SLC44A1: variants seen among roughly 807,000 people sequenced by gnomAD.
The protein encoded by SLC44A1 is choline transporter-like protein 1.
Under a neutral mutation model 79.3 loss-of-function variants are expected in SLC44A1, and 26 were observed. That is an observed-to-expected ratio of 0.33 (90% CI 0.24 to 0.46). The LOEUF is 0.46. Among genes scored for constraint, SLC44A1 ranks in the 20% least tolerant of loss-of-function variants. The probability of loss-of-function intolerance (pLI) is 1.00; values close to 1 mark genes in which losing one functional copy is unlikely to be tolerated. For missense variants in SLC44A1, 688 were observed against 798.1 expected (o/e 0.86, Z 1.66); for synonymous variants, 263 against 286.2 (o/e 0.92, Z 0.82).
chr9:105,416,527 G>A (rs971427626), intron 15 of SLC44A1, among the ~76,000 whole-genome samples: 1 of 152,156 alleles, frequency 6.6e-6, no homozygotes, highest in Non-Finnish European at 1.5e-5. Context: ...AGGCCTAGGG[G>A]AAAAGTGTGA....
In SLC44A1 at chr9:105,374,590, T is replaced by A. The variant is rs1427675104; in HGVS notation, c.1495-8T>A. Reference sequence around the variant, plus strand: ...GTTGACGAAAATGTTGTTTTTGCTTTTGTCCAGAATGCATACACAGCCACA... The same window carrying A: ...GTTGACGAAAATGTTGTTTTTGCTTATGTCCAGAATGCATACACAGCCACA... On this transcript the variant is annotated splice_polypyrimidine_tract_variant and splice_region_variant and intron_variant, in intron 12 of 15. Coordinates refer to ENST00000374720, the MANE Select transcript of SLC44A1 (RefSeq NM_080546.5). 3.1e-6 allele frequency: 5 copies of A among 1,598,404 alleles called. No individual in the cohort carries two copies. The East Asian group carries it at 1.1e-4, about 36-fold the overall frequency.
At chr9:105,358,279 C>T (rs1319330947) in intron 6 of SLC44A1, 65 bp from the exon 7 acceptor site, 11 of 905,354 alleles carry the variant, frequency 1.2e-5, no homozygotes, top group Admixed American at 2.1e-5. Context: ...CCATTTAAAG[C>T]GTTTTTATTT....
chr9:105,373,677 A>G (rs1156495545), intron 12 of SLC44A1, among the ~76,000 whole-genome samples: 1 of 152,192 alleles, frequency 6.6e-6, no homozygotes. Context: ...CACCAGGTTG[A>G]AGTACCTGGT....
chr9:105,251,636 C>T (rs1829591131), intron 1 of SLC44A1, among the ~76,000 whole-genome samples: 1 of 152,206 alleles, frequency 6.6e-6, no homozygotes, highest in Non-Finnish European at 1.5e-5. Context: ...GTGTGCTTTT[C>T]TTTGCTCATT....
At chr9:105,256,258 C>T (rs1464420121) in intron 1 of SLC44A1, among the ~76,000 whole-genome samples, 5 of 152,074 alleles carry the variant, frequency 3.3e-5, no homozygotes, top group African/African-American at 7.2e-5. Flanking sequence ...GTGATCTGCC[C>T]ACCTCAGCCT....
chr9:105,414,301 C>G (rs1267730525), intron 15 of SLC44A1, among the ~76,000 whole-genome samples: 1 of 152,028 alleles, frequency 6.6e-6, no homozygotes, highest in Non-Finnish European at 1.5e-5. Context: ...GTGATCCGCC[C>G]GCCTCGGCCT....
intron 10 of SLC44A1, among the ~76,000 whole-genome samples, chr9:105,365,232 A>C (rs752832053): frequency 3.9e-5 from 6 of 152,216 alleles, no homozygotes; most frequent in Non-Finnish European, 8.8e-5. Context: ...TTCAGAGCAC[A>C]GTTTTATTTA....
At chr9:105,261,244 A>C (rs1213501246) in intron 1 of SLC44A1, among the ~76,000 whole-genome samples, 2 of 152,222 alleles carry the variant, frequency 1.3e-5, no homozygotes, top group African/African-American at 4.8e-5. Flanking sequence ...TCAAAACCTC[A>C]GTATGACAGG....
chr9:105,264,206 C>T (rs531118747), intron 1 of SLC44A1, among the ~76,000 whole-genome samples: 3 of 152,236 alleles, frequency 2.0e-5, no homozygotes, highest in African/African-American at 7.2e-5. Context: ...CTCTGTCACC[C>T]AGGCTGGAGT....
At chr9:105,245,508 C>T (rs1829416619) in intron 1 of SLC44A1, among the ~76,000 whole-genome samples, 1 of 152,210 alleles carries the variant, frequency 6.6e-6, no homozygotes, top group Non-Finnish European at 1.5e-5. Flanking sequence ...CTCGCTTGCT[C>T]GCTTGCACCC....
intron 1 of SLC44A1, among the ~76,000 whole-genome samples, chr9:105,284,991 A>G (rs1297348859): frequency 1.3e-5 from 2 of 152,162 alleles, no homozygotes; most frequent in Non-Finnish European, 2.9e-5. Flanking sequence ...GGTATTTCAT[A>G]TACATTGAAT....
At chr9:105,360,928 A>G (rs957447709) in intron 7 of SLC44A1, among the ~76,000 whole-genome samples, 2 of 152,140 alleles carry the variant, frequency 1.3e-5, no homozygotes, top group African/African-American at 4.8e-5. Flanking sequence ...TCTTAGCTTC[A>G]TAGTCAATAA....
In SLC44A1 at chr9:105,299,230, G is replaced by A. The variant is rs1256209405; in HGVS notation, c.47G>A (p.Arg16Gln). 8.2e-6 allele frequency: 13 copies of A among 1,587,864 alleles called. No individual in the cohort carries two copies. Among genetic ancestry groups the A allele is most frequent in the South Asian group, 3.5e-5 (3 of 86,094 alleles). ...TGTATTTCCAATTAGAGCTCCAAACGAGAATGGAAGCCGCTGGAGGACCGT... is the reference window on the plus strand; with the variant it reads ...TGTATTTCCAATTAGAGCTCCAAACAAGAATGGAAGCCGCTGGAGGACCGT... ...SASSAAQSSKREWKPLEDRSC... is the reference protein window; with the variant it reads ...SASSAAQSSKQEWKPLEDRSC... The change falls in exon 2 of 16, where the codon CGA becomes CAA. Residue 16 changes from arginine (R) to glutamine (Q), a missense_variant. By Grantham distance (43) the Arg-to-Gln change is conservative. Coordinates refer to ENST00000374720, the MANE Select transcript of SLC44A1 (RefSeq NM_080546.5).
chr9:105,324,837 TAAA>T (rs1826520925), intron 3 of SLC44A1, among the ~76,000 whole-genome samples: 1 of 152,144 alleles, frequency 6.6e-6, no homozygotes, highest in Non-Finnish European at 1.5e-5. Context: ...ATAATTATAA[TAAA>T]AAGGCAGTTA....
Position 105,383,162 on chromosome 9 carries a change from C to G in SLC44A1, c.1672C>G (p.Leu558Val), listed in dbSNP as rs563598586. 3 of 1,614,094 alleles carry G rather than the reference C, an allele frequency of 1.9e-6. No homozygotes were observed. Among genetic ancestry groups the G allele is most frequent in the Admixed American group, 1.7e-5 (1 of 60,024 alleles). The change falls in exon 14 of 16, where the codon CTG becomes GTG. Residue 558 changes from leucine to valine, a missense_variant. Transcript: ENST00000374720. ...VCSTGLAGIM[L>V]LNYQQDYTVW... is the part of the protein sequence containing the mutation. Reference sequence around the variant, plus strand: ...CAGCACAGGTTTAGCTGGGATTATGCTGCTCAACTACCAGCAGGACTACAC... The same window carrying G: ...CAGCACAGGTTTAGCTGGGATTATGGTGCTCAACTACCAGCAGGACTACAC...
rs185559031 is a variant in SLC44A1, at chr9:105,330,627, G to A, written c.270-4936G>A. The stretch of plus-strand genomic sequence containing the variant: ...TGATATAATGTCCCACCTTTGTCTC[G>A]TTTCCCTGTTTTCATCTTTGGTGCA... On this transcript the variant is annotated intron_variant, in intron 3 of 15. Transcript: ENST00000374720. 6.6e-5 allele frequency among the ~76,000 whole-genome samples: 10 copies of A among 151,970 alleles called. No homozygotes were observed. In the East Asian group the frequency reaches 7.7e-4, roughly 12 times the overall value.
At chr9:105,251,101 G>A (rs1027829465) in intron 1 of SLC44A1, among the ~76,000 whole-genome samples, 7 of 152,198 alleles carry the variant, frequency 4.6e-5, no homozygotes, top group East Asian at 1.9e-4. Context: ...TGTCCTGGTC[G>A]CTGATCCTTA....
intron 1 of SLC44A1, among the ~76,000 whole-genome samples, chr9:105,280,614 A>G (rs35293517): frequency 0.012 from 1,883 of 152,376 alleles, 13 homozygotes; most frequent in Non-Finnish European, 0.019. Context: ...AGAAAACAGT[A>G]TTAAATAGCT....
At position 105,289,803 on chromosome 9, in the gene SLC44A1, T is replaced by G. The variant is rs191869069; in HGVS notation, c.37-9417T>G. 2.2e-3 allele frequency among the ~76,000 whole-genome samples: 324 copies of G among 147,248 alleles called. 2 individuals carry two copies. The highest frequency in any genetic ancestry group is 7.0e-3 in the African/African-American group (266 of 37,920). On this transcript the variant is annotated intron_variant, in intron 1 of 15. Coordinates refer to ENST00000374720, the MANE Select transcript of SLC44A1 (RefSeq NM_080546.5). ...AGTCATTATAAGTCAGTTCTCAGTG[T>G]TTTTTTTTGTTTTTTTTTTTGTTTT...
Sources: allele counts gnomAD v4.1 joint callset (sites outside exome capture counted in the v4.1 genomes callset), GRCh38; gene constraint gnomAD v4.1.1; transcripts MANE v1.5; gene names NCBI Gene and HGNC (gene_info 2026-07-23, HGNC 2026-07-21).